CHIC2: variants seen among roughly 807,000 people sequenced by gnomAD.
CHIC2 encodes the protein cysteine-rich hydrophobic domain-containing protein 2.
Under a neutral mutation model 25.9 loss-of-function variants are expected in CHIC2, and 14 were observed. The observed-to-expected ratio is 0.54, with a 90% confidence interval of 0.36 to 0.85. The LOEUF (loss-of-function observed/expected upper bound fraction) is 0.85, where lower values mean the gene tolerates loss of function less well. Among genes scored for constraint, CHIC2 ranks in the 40% least tolerant of loss-of-function variants. CHIC2 has a pLI of 0.01. For missense variants in CHIC2, 146 were observed against 202.0 expected, an observed-to-expected ratio of 0.72 and a Z score of 1.68; for synonymous variants, 70 against 72.0, an observed-to-expected ratio of 0.97 and a Z score of 0.14.
intron 3 of CHIC2, among the ~76,000 whole-genome samples, chr4:54,039,463 G>A (rs1409494528): frequency 1.3e-5 from 2 of 152,106 alleles, no homozygotes; most frequent in African/African-American, 4.8e-5. Context: ...CACATGAAAA[G>A]GTGCTCAATA....
At chr4:54,067,302 G>C (rs1050016471), upstream of CHIC2, among the ~76,000 whole-genome samples, 55 of 150,034 alleles carry the variant, frequency 3.7e-4, no homozygotes, top group African/African-American at 1.2e-3. Flanking sequence ...GTGTCTGTGT[G>C]TGTGTGTGTG....
At chr4:54,054,057 G>A (rs1481996920) in intron 1 of CHIC2, among the ~76,000 whole-genome samples, 1 of 152,074 alleles carries the variant, frequency 6.6e-6, no homozygotes, top group Admixed American at 6.6e-5. Context: ...CAAAGTATTG[G>A]GATTACAGGC....
At chr4:54,042,969 G>C (rs992638029) in intron 3 of CHIC2, among the ~76,000 whole-genome samples, 1 of 152,128 alleles carries the variant, frequency 6.6e-6, no homozygotes, top group South Asian at 2.1e-4. Context: ...CTTATTGGTT[G>C]TCAAAATGTA....
chr4:54,079,142 G>A, the CHIC2 span, among the ~76,000 whole-genome samples: 3 of 151,970 alleles, frequency 2.0e-5, no homozygotes, highest in Non-Finnish European at 4.4e-5. Flanking sequence ...GCTTGAACCT[G>A]GAAGGCAGAG....
At chr4:54,091,061 G>A in the CHIC2 span, among the ~76,000 whole-genome samples, 2 of 152,202 alleles carry the variant, frequency 1.3e-5, no homozygotes, top group African/African-American at 4.8e-5. Flanking sequence ...GGTGCTCCCT[G>A]AGTACATGAA....
upstream of CHIC2, among the ~76,000 whole-genome samples, chr4:54,067,699 A>T (rs1171880755): frequency 2.0e-5 from 3 of 152,242 alleles, no homozygotes; most frequent in Non-Finnish European, 2.9e-5. Context: ...AAACTGGATA[A>T]TGTCAGGCCT....
chr4:54,026,181 G>GT (rs1716052667), intron 3 of CHIC2, among the ~76,000 whole-genome samples: 1 of 152,132 alleles, frequency 6.6e-6, no homozygotes, highest in South Asian at 2.1e-4. Flanking sequence ...TCAATTTCCT[G>GT]TTCTTTTCAT....
chr4:54,051,050 G>A (rs1716994529), intron 1 of CHIC2, among the ~76,000 whole-genome samples: 1 of 151,972 alleles, frequency 6.6e-6, no homozygotes, highest in Admixed American at 6.6e-5. Flanking sequence ...CATCACTTGG[G>A]ACTGTATCAC....
chr4:54,028,842 C>A (rs192225619), intron 3 of CHIC2, among the ~76,000 whole-genome samples: 1 of 152,076 alleles, frequency 6.6e-6, no homozygotes, highest in South Asian at 2.1e-4. Flanking sequence ...AGTCAAACAT[C>A]GACTGGGCGC....
the CHIC2 span, among the ~76,000 whole-genome samples, chr4:54,075,256 T>C: frequency 6.6e-6 from 1 of 152,376 alleles, no homozygotes; most frequent in East Asian, 1.9e-4. Flanking sequence ...CTGGTGACTC[T>C]GCACTTGATA....
rs529881742 is a variant in CHIC2, at chr4:54,050,903, C to G, written c.120-1598G>C. 2.0e-5 allele frequency among the ~76,000 whole-genome samples: 3 copies of G among 151,746 alleles called. No homozygotes were observed. In the East Asian group the frequency reaches 5.8e-4, roughly 29 times the overall value. On this transcript the variant is annotated intron_variant, in intron 1 of 5. Transcript: ENST00000263921. Reference sequence around the variant, plus strand: ...ATATATCTTCACTTTAACCAAAAACCCTGTTGAAATGCCACTCTTTCCTTA... The same window carrying G: ...ATATATCTTCACTTTAACCAAAAACGCTGTTGAAATGCCACTCTTTCCTTA...
chr4:54,077,702 A>G, the CHIC2 span, among the ~76,000 whole-genome samples: 3 of 152,188 alleles, frequency 2.0e-5, no homozygotes, highest in African/African-American at 4.8e-5. Flanking sequence ...TACTCACCTT[A>G]GACATGATCC....
chr4:54,023,763 T>C (rs1715976214), intron 3 of CHIC2, among the ~76,000 whole-genome samples: 1 of 152,216 alleles, frequency 6.6e-6, no homozygotes, highest in African/African-American at 2.4e-5. Context: ...TGCCTTAACC[T>C]GAGCCCTCAC....
At chr4:54,046,898 C>G (rs1009172725) in intron 3 of CHIC2, among the ~76,000 whole-genome samples, 1 of 152,204 alleles carries the variant, frequency 6.6e-6, no homozygotes, top group Admixed American at 6.5e-5. Context: ...GCAACCTGCT[C>G]ATCTGACAAA....
At chr4:54,025,838 G>A (rs1446262906) in intron 3 of CHIC2, among the ~76,000 whole-genome samples, 2 of 143,282 alleles carry the variant, frequency 1.4e-5, no homozygotes, top group South Asian at 2.2e-4. Flanking sequence ...CTGGGCAACA[G>A]AGTAAGACCC....
At chr4:54,083,018 C>CTTTTTTTTTT in the CHIC2 span, among the ~76,000 whole-genome samples, 100 of 67,904 alleles carry the variant, frequency 1.5e-3, 5 homozygotes, top group African/African-American at 2.9e-3. Context: ...TTCTTTCTTT[C>CTTTTTTTTTT]TTTTTTTTTT....
chr4:54,081,136 G>T, the CHIC2 span, among the ~76,000 whole-genome samples: 1 of 151,256 alleles, frequency 6.6e-6, no homozygotes, highest in Admixed American at 6.6e-5. Flanking sequence ...TAAGACCTTG[G>T]GCAAATTAGT....
intron 3 of CHIC2, among the ~76,000 whole-genome samples, chr4:54,035,425 G>C (rs934250907): frequency 2.0e-5 from 3 of 152,094 alleles, no homozygotes; most frequent in African/African-American, 7.2e-5. Context: ...ATTGATATGG[G>C]ACTTTTCAAG....
chr4:54,062,037 C>A (rs948363775), intron 1 of CHIC2, among the ~76,000 whole-genome samples: 3 of 152,212 alleles, frequency 2.0e-5, no homozygotes, highest in Admixed American at 6.5e-5. Context: ...GCAATAAATT[C>A]TTTTCATGTA....
Sources: gnomAD v4.1 joint callset for allele counts (sites outside exome capture counted in the v4.1 genomes callset) on GRCh38, gnomAD v4.1.1 for gene constraint, MANE v1.5 for transcripts, NCBI Gene and HGNC (gene_info 2026-07-23, HGNC 2026-07-21) for gene names.